RBM6: variants seen among roughly 807,000 people sequenced by gnomAD.
RBM6 encodes RNA binding motif protein 6, also known as RNA-binding protein 6.
In RBM6, 23 loss-of-function variants were observed where a neutral mutation model predicts 140.4. The ratio of observed to expected loss-of-function variants is 0.16; its 90% CI spans 0.12 to 0.23. The LOEUF (loss-of-function observed/expected upper bound fraction) is 0.23. Among genes scored for constraint, RBM6 ranks in the 10% least tolerant of loss-of-function variants. The pLI, the probability that RBM6 is intolerant of heterozygous loss-of-function variation, is 1.00. For synonymous variants in RBM6, 439 were observed against 475.6 expected, an observed-to-expected ratio of 0.92 and a Z score of 1.00; for missense variants, 1,139 against 1,386.7, an observed-to-expected ratio of 0.82 and a Z score of 2.84.
chr3:49,986,335 G>A lies in RBM6; in HGVS notation c.1483+10943G>A, dbSNP rs993659378. Among the ~76,000 whole-genome samples, 18 of 151,422 alleles carry A rather than the reference G, an allele frequency of 1.2e-4. No homozygotes were observed. In the East Asian group the frequency reaches 1.8e-3, roughly 15 times the overall value. The stretch of plus-strand genomic sequence containing the variant: ...ACTGGCCTGGTGCGGTGGCTCACGC[G>A]TGTGATCCCAGCACTTTGGGAGGCC... On this transcript the variant is annotated intron_variant, in intron 5 of 20. Transcript: ENST00000266022.
At chr3:49,996,752 A>G (rs185382045) in intron 5 of RBM6, among the ~76,000 whole-genome samples, 1 of 152,290 alleles carries the variant, frequency 6.6e-6, no homozygotes, top group East Asian at 1.9e-4. Context: ...GCATAGATGT[A>G]TGTTTTCAGG....
chr3:50,059,769 T>TC, intron 11 of RBM6, 23 bp downstream of exon 11: 5 of 1,573,062 alleles, frequency 3.2e-6, no homozygotes, highest in Non-Finnish European at 4.4e-6. Flanking sequence ...GGTGAGGATC[T>TC]CTTGTGCTGC....
rs2089802641 is a variant in RBM6, at chr3:50,058,426, G to A, written c.1994G>A (p.Arg665His). The change falls in exon 10 of 21, where the codon CGT (arginine) becomes CAT (histidine). Residue 665 changes from arginine to histidine, a missense_variant. Arg to His is a conservative substitution (Grantham distance 29, BLOSUM62 0). This residue lies in a region of RBM6 where 47 missense variants were observed against 117.6 expected (regional missense o/e 0.40). Transcript: ENST00000266022. ...GCTATCATGCTAAAGCGTATCTATC[G>A]TTCCACACCACCTGAGGTGATAGTG... is the stretch of plus-strand genomic sequence containing the variant. ...SKTIMLKRIY[R>H]STPPEVIVEV... is the part of the protein sequence containing the mutation. The A allele has an allele frequency of 1.9e-6, 3 of 1,610,444 alleles. No individual in the cohort carries two copies. Among genetic ancestry groups the A allele is most frequent in the Non-Finnish European group, 2.5e-6 (3 of 1,176,696 alleles).
At chr3:49,956,081 A>C (rs1162384086) in intron 1 of RBM6, among the ~76,000 whole-genome samples, 1 of 150,550 alleles carries the variant, frequency 6.6e-6, no homozygotes, top group African/African-American at 2.4e-5. Context: ...TGAGCAAAAT[A>C]GTGCAGTGCC....
chr3:49,987,641 T>C, intron 5 of RBM6, among the ~76,000 whole-genome samples: 1 of 151,572 alleles, frequency 6.6e-6, no homozygotes. Context: ...CTTTCTTTCT[T>C]TTTTCTTTTT....
At chr3:50,072,912 C>T (rs1285802694) in intron 19 of RBM6, among the ~76,000 whole-genome samples, 2 of 152,172 alleles carry the variant, frequency 1.3e-5, no homozygotes, top group African/African-American at 4.8e-5. Flanking sequence ...TCTCCTGGCT[C>T]TTCTCCTTTC....
intron 2 of RBM6, among the ~76,000 whole-genome samples, chr3:49,966,759 A>T (rs756020292): frequency 6.6e-6 from 1 of 151,872 alleles, no homozygotes; most frequent in Non-Finnish European, 1.5e-5. Context: ...CATGATTCAT[A>T]CTACCTTCTA....
chr3:50,074,452 G>A (rs2090399377), intron 19 of RBM6, among the ~76,000 whole-genome samples: 1 of 151,978 alleles, frequency 6.6e-6, no homozygotes, highest in Admixed American at 6.6e-5. Flanking sequence ...CTCCCGAGTA[G>A]CTAGGATTAC....
intron 10 of RBM6, 126 bp from the exon 11 acceptor site, chr3:50,059,523 T>C (rs1372084698): frequency 5.5e-6 from 4 of 722,548 alleles, no homozygotes; most frequent in Non-Finnish European, 9.0e-6. Context: ...TTTGACAGAA[T>C]ATAATGTAGT....
At chr3:49,992,755 G>C (rs2085884033) in intron 5 of RBM6, among the ~76,000 whole-genome samples, 1 of 152,204 alleles carries the variant, frequency 6.6e-6, no homozygotes, top group African/African-American at 2.4e-5. Flanking sequence ...AATGAAAGAA[G>C]ATCACAGTCC....
In RBM6 at chr3:50,042,783, T is replaced by C. The variant is rs527251915; in HGVS notation, c.1558-5462T>C. On this transcript the variant is annotated intron_variant, in intron 6 of 20. Coordinates refer to ENST00000266022, the MANE Select transcript of RBM6 (RefSeq NM_005777.3). Reference sequence around the variant, plus strand: ...AAAAAAGACTATCCTTGATGATTGGTTTTGAGCCAACGGAATGGGAGCATA... The same window carrying C: ...AAAAAAGACTATCCTTGATGATTGGCTTTGAGCCAACGGAATGGGAGCATA... Among the ~76,000 whole-genome samples the C allele has an allele frequency of 5.9e-4, 89 of 151,934 alleles. 3 individuals are homozygous for C. The South Asian group carries it at 0.018, about 31-fold the overall frequency.
At chr3:49,959,355 AT>A (rs1183057889) in intron 1 of RBM6, among the ~76,000 whole-genome samples, 411 of 123,266 alleles carry the variant, frequency 3.3e-3, no homozygotes, top group Admixed American at 5.4e-3. Context: ...CGCCTGGCTA[AT>A]TTTTTTTTTT....
intron 1 of RBM6, among the ~76,000 whole-genome samples, chr3:49,941,900 CT>C (rs2083298019): frequency 6.7e-6 from 1 of 149,852 alleles, no homozygotes; most frequent in African/African-American, 2.5e-5. Context: ...AATTGTGAGC[CT>C]GGGCAACATC....
In RBM6 at chr3:49,968,487, A is replaced by G; in HGVS notation, c.1062A>G (p.Pro354=). ...GTGTAGCCTTTGAACATGAGTCTCC[A>G]GCAGACTTTCAGAACAGCCAAAGTC... ...TQGVAFEHES[P]ADFQNSQSPV... is the part of the protein sequence containing the mutation. The change falls in exon 3 of 21, where the codon CCA becomes CCG. Residue 354 remains proline, a synonymous_variant. Coordinates refer to ENST00000266022, the MANE Select transcript of RBM6 (RefSeq NM_005777.3). The G allele has an allele frequency of 6.2e-7, 1 of 1,614,224 alleles. No individual in the cohort carries two copies. The highest frequency in any genetic ancestry group is 8.5e-7 in the Non-Finnish European group (1 of 1,180,034).
At chr3:49,998,851 CA>C (rs1162522020) in intron 5 of RBM6, among the ~76,000 whole-genome samples, 2 of 152,012 alleles carry the variant, frequency 1.3e-5, no homozygotes, top group African/African-American at 4.8e-5. Context: ...TGAGTTGAAA[CA>C]AGGAAAAAAA....
chr3:50,066,313 A>G lies in RBM6; in HGVS notation c.2754A>G (p.Glu918=). ...YGGDSDYEEE[E]EEEQTPPPQP... is the part of the protein sequence containing the mutation. Reference sequence around the variant, plus strand: ...GAGACAGTGACTATGAGGAGGAAGAAGAGGAGGAACAGACCCCTCCCCCAC... The same window carrying G: ...GAGACAGTGACTATGAGGAGGAAGAGGAGGAGGAACAGACCCCTCCCCCAC... Residue 918 remains glutamate (E), a synonymous_variant, in exon 17 of 21, where the codon GAA becomes GAG. Coordinates refer to ENST00000266022, the MANE Select transcript of RBM6 (RefSeq NM_005777.3). The G allele has an allele frequency of 6.2e-7, 1 of 1,614,176 alleles. No individual in the cohort carries two copies. Among genetic ancestry groups the G allele is most frequent in the Non-Finnish European group, 8.5e-7 (1 of 1,180,030 alleles).
At chr3:49,963,534 A>C (rs1392429574) in intron 2 of RBM6, among the ~76,000 whole-genome samples, 2 of 152,212 alleles carry the variant, frequency 1.3e-5, no homozygotes, top group Non-Finnish European at 2.9e-5. Flanking sequence ...TATTGAGTTC[A>C]CTAATTTATG....
rs369897712 is a variant in RBM6 at position 49,950,836 on chromosome 3, TA to T, written c.-67+10612del. On this transcript the variant is annotated intron_variant, in intron 1 of 20. Transcript: ENST00000266022. ...TCTAACAATTTTACTTCTGGATATATATCCAAAATAATTGAAAACAAAGAAA... is the reference window on the plus strand; with the variant it reads ...TCTAACAATTTTACTTCTGGATATATTCCAAAATAATTGAAAACAAAGAAA... Among the ~76,000 whole-genome samples, 464 of 151,578 alleles carry T rather than the reference TA, an allele frequency of 3.1e-3. 2 individuals are homozygous for T. Among genetic ancestry groups the T allele is most frequent in the Non-Finnish European group, 5.3e-3 (358 of 67,924 alleles).
At chr3:49,962,950 A>C (rs2084348144) in intron 2 of RBM6, 1 of 246,734 alleles carries the variant, frequency 4.1e-6, no homozygotes, top group Non-Finnish European at 7.7e-6. Flanking sequence ...TACAAAAAAA[A>C]CTAGCCGGGC....
Sources: gnomAD v4.1 joint callset for allele counts (sites outside exome capture counted in the v4.1 genomes callset) on GRCh38, gnomAD v4.1.1 for gene constraint, gnomAD v4.1.1 regional missense constraint, MANE v1.5 for transcripts, NCBI Gene and HGNC (gene_info 2026-07-23, HGNC 2026-07-21) for gene names.